TBC1D14: variants seen among roughly 807,000 people sequenced by gnomAD.
The protein encoded by TBC1D14 is TBC1 domain family member 14, also known as TBC1 domain family, member 14.
In TBC1D14, 26 loss-of-function variants were observed where a neutral mutation model predicts 79.0. The ratio of observed to expected loss-of-function variants is 0.33; its 90% CI spans 0.24 to 0.46. The LOEUF is 0.46. Ranked by LOEUF, TBC1D14 falls within the 20% of genes least tolerant of loss-of-function variation. The pLI is 1.00. For missense variants in TBC1D14, 769 were observed against 887.6 expected, an observed-to-expected ratio of 0.87 and a Z score of 1.70; for synonymous variants, 394 against 349.9, an observed-to-expected ratio of 1.13 and a Z score of -1.40.
chr4:6,915,642 G>A (rs1184095062), intron 1 of TBC1D14, among the ~76,000 whole-genome samples: 2 of 152,132 alleles, frequency 1.3e-5, no homozygotes, highest in Non-Finnish European at 1.5e-5. Context: ...GAGGCAGAAC[G>A]GTGTATTTAG....
At chr4:6,932,246 G>C (rs1457612864) in intron 2 of TBC1D14, among the ~76,000 whole-genome samples, 1 of 152,058 alleles carries the variant, frequency 6.6e-6, no homozygotes, top group African/African-American at 2.4e-5. Flanking sequence ...TGTAATCCCA[G>C]CTACTCGAGA....
chr4:6,911,698 T>G (rs1723007347), intron 1 of TBC1D14, among the ~76,000 whole-genome samples: 1 of 152,218 alleles, frequency 6.6e-6, no homozygotes, highest in South Asian at 2.1e-4. Flanking sequence ...GGTTGATTGC[T>G]TAGCTGGTGC....
At chr4:6,962,658 C>T (rs1577091240) in intron 2 of TBC1D14, among the ~76,000 whole-genome samples, 1 of 152,212 alleles carries the variant, frequency 6.6e-6, no homozygotes, top group South Asian at 2.1e-4. Flanking sequence ...TGGCCACCCC[C>T]CAGCTCTCAG....
chr4:6,934,459 G>C (rs1450367649), intron 2 of TBC1D14, among the ~76,000 whole-genome samples: 1 of 152,094 alleles, frequency 6.6e-6, no homozygotes, highest in Non-Finnish European at 1.5e-5. Context: ...AGGAGTTCGA[G>C]ACCAGCCTGG....
chr4:6,987,540 T>C, intron 3 of TBC1D14: 1 of 436,502 alleles, frequency 2.3e-6, no homozygotes, highest in East Asian at 3.6e-5. Context: ...TTGCTGTGCA[T>C]GCTGCTGATG....
chr4:7,011,327 G>T (rs978229413), intron 11 of TBC1D14, among the ~76,000 whole-genome samples: 4 of 144,350 alleles, frequency 2.8e-5, no homozygotes, highest in South Asian at 2.3e-4. Context: ...CGGTGACAGT[G>T]GGGGGTGGTG....
chr4:7,006,635 C>G lies in TBC1D14; in HGVS notation c.1355C>G (p.Ala452Gly). Residue 452 changes from alanine (A) to glycine (G), a missense_variant, in exon 9 of 14, where the codon GCT becomes GGT. Physicochemically the swap from Ala to Gly is moderately conservative, Grantham distance 60. Around this residue, in one of 2 missense-constraint regions of TBC1D14, gnomAD observed 367 missense variants for 494.4 expected, o/e 0.74. Coordinates refer to ENST00000409757, the MANE Select transcript of TBC1D14 (RefSeq NM_020773.3). ...TGGSEVENED[A>G]GFSAADREAS... is the part of the protein sequence containing the mutation. ...TATTTTTGGCATCTTTTGACAGATG[C>G]TGGTTTTTCAGCAGCAGACAGAGAA... 2.5e-6 allele frequency: 4 copies of G among 1,613,572 alleles called. No homozygotes were observed. Among genetic ancestry groups the G allele is most frequent in the Non-Finnish European group, 2.5e-6 (3 of 1,179,716 alleles).
intron 3 of TBC1D14, among the ~76,000 whole-genome samples, chr4:6,976,684 G>A (rs1009703316): frequency 1.3e-5 from 2 of 152,204 alleles, no homozygotes; most frequent in African/African-American, 2.4e-5. Context: ...GGGCCTGTAT[G>A]CTAGGAGGAG....
intron 9 of TBC1D14, 74 bp from the exon 10 acceptor site, chr4:7,009,803 A>G: frequency 7.0e-7 from 1 of 1,426,334 alleles, no homozygotes; most frequent in Admixed American, 1.7e-5. Context: ...CGGCAGCAGT[A>G]GTAGTATCAG....
chr4:6,953,483 T>G (rs1714301351), intron 2 of TBC1D14, among the ~76,000 whole-genome samples: 1 of 125,370 alleles, frequency 8.0e-6, no homozygotes, highest in East Asian at 2.7e-4. Flanking sequence ...TACAAAAAAT[T>G]AGCCGGGCGA....
intron 3 of TBC1D14, among the ~76,000 whole-genome samples, chr4:6,982,819 T>A (rs550789944): frequency 5.9e-5 from 9 of 152,326 alleles, no homozygotes; most frequent in Non-Finnish European, 1.2e-4. Flanking sequence ...ACTATTTGTA[T>A]AGTGTGGTCT....
At chr4:7,000,399 G>A (rs1283687009) in intron 6 of TBC1D14, among the ~76,000 whole-genome samples, 1 of 152,184 alleles carries the variant, frequency 6.6e-6, no homozygotes. Flanking sequence ...TCATCGTCTT[G>A]ACTTTCGAGA....
intron 8 of TBC1D14, 107 bp from the exon 9 acceptor site, chr4:7,006,525 C>T: frequency 1.1e-6 from 1 of 875,868 alleles, no homozygotes; most frequent in Non-Finnish European, 1.8e-6. Flanking sequence ...CAGTGTGCTT[C>T]TGAAAAACTT....
chr4:7,020,948 G>C (rs1036589832), intron 12 of TBC1D14, among the ~76,000 whole-genome samples: 2 of 152,192 alleles, frequency 1.3e-5, no homozygotes, highest in Non-Finnish European at 2.9e-5. Flanking sequence ...CAAGGATTCA[G>C]ATGAACAGTC....
At chr4:7,004,708 T>G in intron 7 of TBC1D14, 136 bp from the exon 8 acceptor site, 1 of 696,184 alleles carries the variant, frequency 1.4e-6, no homozygotes, top group Non-Finnish European at 2.4e-6. Context: ...GGGAATTGTT[T>G]AAGTAGCCTG....
intron 1 of TBC1D14, among the ~76,000 whole-genome samples, chr4:6,919,018 C>T (rs911443888): frequency 2.6e-5 from 4 of 152,094 alleles, no homozygotes; most frequent in East Asian, 3.9e-4. Context: ...GGAAGAGCAG[C>T]GAGGGCTGTG....
At chr4:6,953,023 CTT>C (rs371101904) in intron 2 of TBC1D14, among the ~76,000 whole-genome samples, 2,367 of 107,070 alleles carry the variant, frequency 0.022, 29 homozygotes, top group Middle Eastern at 0.052. Context: ...TTTTTTCTTT[CTT>C]TTTTTTTTTT....
intron 13 of TBC1D14, among the ~76,000 whole-genome samples, chr4:7,029,843 G>A (rs1722867241): frequency 6.6e-6 from 1 of 152,132 alleles, no homozygotes; most frequent in East Asian, 1.9e-4. Context: ...GAAAAAGAAG[G>A]ATGTTGACCA....
At chr4:7,006,604 T>C (rs1237939994) in intron 8 of TBC1D14, 28 bp from the exon 9 acceptor site, 2 of 1,596,966 alleles carry the variant, frequency 1.3e-6, no homozygotes, top group East Asian at 2.2e-5. Flanking sequence ...CCTTGAGGAA[T>C]GTAATTATTT....
Sources: gnomAD v4.1 joint callset for allele counts (sites outside exome capture counted in the v4.1 genomes callset) on GRCh38, gnomAD v4.1.1 for gene constraint, gnomAD v4.1.1 regional missense constraint, MANE v1.5 for transcripts, NCBI Gene and HGNC (gene_info 2026-07-23, HGNC 2026-07-21) for gene names.